The following EMILIN2 variants were observed in gnomAD, a reference collection of about 807,000 sequenced individuals.
EMILIN2 encodes the protein elastin microfibril interfacer 2, also known as EMILIN-2.
EMILIN2 carries 71 observed loss-of-function variants against 87.1 expected under a neutral mutation model. The ratio of observed to expected loss-of-function variants is 0.82; its 90% CI spans 0.67 to 0.99. EMILIN2 has a LOEUF of 0.99. Ranked by LOEUF, EMILIN2 falls within the 50% of genes least tolerant of loss-of-function variation. The probability of loss-of-function intolerance (pLI) is 0.00; values close to 1 mark genes in which losing one functional copy is unlikely to be tolerated. For missense variants in EMILIN2, 1,407 were observed against 1,371.8 expected (o/e 1.03, Z -0.40); for synonymous variants, 581 against 563.4 (o/e 1.03, Z -0.44).
At chr18:2,895,306 G>C (rs1029240974) in intron 4 of EMILIN2, among the ~76,000 whole-genome samples, 1 of 152,088 alleles carries the variant, frequency 6.6e-6, no homozygotes, top group Non-Finnish European at 1.5e-5. Context: ...ATGGGGTGAG[G>C]AATAAGGTGA....
At chr18:2,897,378 C>T (rs922488058) in intron 4 of EMILIN2, among the ~76,000 whole-genome samples, 3 of 152,186 alleles carry the variant, frequency 2.0e-5, no homozygotes, top group Non-Finnish European at 4.4e-5. Context: ...CATGACTGAA[C>T]TTTTCTCCCT....
At chr18:2,895,127 T>G (rs776215588) in intron 4 of EMILIN2, among the ~76,000 whole-genome samples, 8 of 152,042 alleles carry the variant, frequency 5.3e-5, no homozygotes, top group Non-Finnish European at 1.0e-4. Flanking sequence ...GATAAAAGTC[T>G]GATGGGGAAA....
rs1160046345 is a variant in EMILIN2, at chr18:2,847,879, C to G, written c.205C>G (p.Gln69Glu). The change falls in exon 2 of 8, where the codon CAG becomes GAG. Residue 69 changes from glutamine to glutamate, a missense_variant. Transcript: ENST00000254528. The surrounding 1 kb of genome is among the most constrained non-coding windows in gnomAD (Gnocchi z 4.5). ...SVLEGSESFI[Q>E]AQYNCAWNQM... is the part of the protein sequence containing the mutation. Reference sequence around the variant, plus strand: ...GCTGGAGGGAAGTGAGAGTTTTATTCAGGCTCAGTACAACTGTGCCTGGAA... The same window carrying G: ...GCTGGAGGGAAGTGAGAGTTTTATTGAGGCTCAGTACAACTGTGCCTGGAA... 1 of 1,613,422 alleles carries G rather than the reference C, an allele frequency of 6.2e-7. No homozygotes were observed. Among genetic ancestry groups the G allele is most frequent in the African/African-American group, 1.3e-5 (1 of 74,910 alleles).
rs144174650 is a variant in EMILIN2 at position 2,891,850 on chromosome 18, G to C, written c.1723G>C (p.Ala575Pro). ...TGCCTTGCCAAACAGGGAAGACCGCGCAGTACGCGACAGCCTGCACCTTTT... is the reference window on the plus strand; with the variant it reads ...TGCCTTGCCAAACAGGGAAGACCGCCCAGTACGCGACAGCCTGCACCTTTT... ...EGALPNREDR[A>P]VRDSLHLLKS... The change falls in exon 4 of 8, where the codon GCA becomes CCA. Residue 575 changes from alanine (A) to proline (P), a missense_variant. Coordinates refer to ENST00000254528, the MANE Select transcript of EMILIN2 (RefSeq NM_032048.3). The surrounding 1 kb of genome is among the most constrained non-coding windows in gnomAD (Gnocchi z 4.6). 4 of 1,614,256 alleles carry C rather than the reference G, an allele frequency of 2.5e-6. No individual in the cohort carries two copies. Among genetic ancestry groups the C allele is most frequent in the East Asian group, 2.2e-5 (1 of 44,892 alleles).
chr18:2,889,692 C>CTTTTTTTTTTTTTTTTTTTTTTTTTTTTT (rs34248672), intron 3 of EMILIN2, among the ~76,000 whole-genome samples: 3 of 96,666 alleles, frequency 3.1e-5, no homozygotes, highest in African/African-American at 4.1e-5. Context: ...TTTTTCTTTT[C>CTTTTTTTTTTTTTTTTTTTTTTTTTTTTT]TTTTTTTTTT....
chr18:2,860,083 A>AT (rs944694299), intron 2 of EMILIN2, among the ~76,000 whole-genome samples: 1 of 151,712 alleles, frequency 6.6e-6, no homozygotes, highest in African/African-American at 2.4e-5. Context: ...GAATTTTAGG[A>AT]TTTTTTTCTA....
At chr18:2,908,829 A>G (rs2076927144) in intron 5 of EMILIN2, 114 bp from the exon 6 acceptor site, 15 of 1,232,022 alleles carry the variant, frequency 1.2e-5, no homozygotes, top group Admixed American at 1.7e-5. Flanking sequence ...GTCTGTTTCT[A>G]TAGTAGTGAA....
chr18:2,865,399 A>G (rs2076681501), intron 2 of EMILIN2, among the ~76,000 whole-genome samples: 1 of 152,096 alleles, frequency 6.6e-6, no homozygotes, highest in Non-Finnish European at 1.5e-5. Context: ...TTTGGTGTGG[A>G]TGTCCTTTCT....
At chr18:2,889,124 CTTTCT>C in intron 3 of EMILIN2, among the ~76,000 whole-genome samples, 1 of 115,752 alleles carries the variant, frequency 8.6e-6, no homozygotes, top group African/African-American at 3.4e-5. Context: ...CTTTTCATTT[CTTTCT>C]TTTCTTTTTT....
chr18:2,884,846 C>A, intron 2 of EMILIN2, 118 bp from the exon 3 acceptor site: 2 of 1,121,316 alleles, frequency 1.8e-6, no homozygotes, highest in South Asian at 1.8e-5. Context: ...CCCCTCTGGG[C>A]CAGCCTGGAG....
In EMILIN2 at chr18:2,880,749, G is replaced by A. The variant is rs2144017112; in HGVS notation, c.258-4215G>A. The stretch of plus-strand genomic sequence containing the variant: ...CTCACAGCCCGGGGCCCCTGGGGAT[G>A]CTTGGGCCGCCTGTCTCTGTTTCAT... On this transcript the variant is annotated intron_variant, in intron 2 of 7. Transcript: ENST00000254528. This position sits in a 1 kb window ranked among gnomAD's most constrained non-coding sequence, Gnocchi z 4.1. 6.6e-6 allele frequency among the ~76,000 whole-genome samples: 1 copy of A among 152,298 alleles called. No homozygotes were observed. The highest frequency in any genetic ancestry group is 2.1e-4 in the South Asian group (1 of 4,832).
Position 2,913,857 on chromosome 18 carries a change from C to T in EMILIN2, c.*453C>T, listed in dbSNP as rs192937633. 6 of 161,342 alleles carry T rather than the reference C, an allele frequency of 3.7e-5. No individual in the cohort carries two copies. Among genetic ancestry groups the T allele is most frequent in the South Asian group, 3.6e-4 (2 of 5,618 alleles). The allele number at this position is 161,342 out of a possible 1,614,324, so 10.0% of individuals were successfully genotyped here. On this transcript the variant is annotated 3_prime_UTR_variant, in exon 8 of 8. Coordinates refer to ENST00000254528, the MANE Select transcript of EMILIN2 (RefSeq NM_032048.3). ...TAAACACTGAAGTGCCGAAGTGGCC[C>T]GTGCCGCCGCACAGAGACCCCGACT... is the stretch of plus-strand genomic sequence containing the variant.
chr18:2,860,156 G>A (rs1343140661), intron 2 of EMILIN2, among the ~76,000 whole-genome samples: 1 of 152,136 alleles, frequency 6.6e-6, no homozygotes, highest in Non-Finnish European at 1.5e-5. Context: ...GATTGCTCTT[G>A]ACAGTATGGT....
intron 2 of EMILIN2, among the ~76,000 whole-genome samples, chr18:2,869,160 G>A (rs1273348873): frequency 6.6e-6 from 1 of 151,950 alleles, no homozygotes; most frequent in African/African-American, 2.4e-5. Flanking sequence ...TAATGATGCT[G>A]ATTTTAGTTT....
At chr18:2,861,113 A>G (rs2076658976) in intron 2 of EMILIN2, among the ~76,000 whole-genome samples, 1 of 151,666 alleles carries the variant, frequency 6.6e-6, no homozygotes, top group Non-Finnish European at 1.5e-5. Context: ...ATTTGAGTTC[A>G]TTGTAGATTC....
chr18:2,864,977 T>A (rs1480379589), intron 2 of EMILIN2, among the ~76,000 whole-genome samples: 1 of 152,250 alleles, frequency 6.6e-6, no homozygotes, highest in East Asian at 1.9e-4. Context: ...TGATCTTCCA[T>A]CACTGATACC....
At chr18:2,883,372 T>A (rs2076787184) in intron 2 of EMILIN2, among the ~76,000 whole-genome samples, 1 of 152,176 alleles carries the variant, frequency 6.6e-6, no homozygotes. Context: ...CATGGGCAGC[T>A]CTCAGCAACC....
intron 5 of EMILIN2, among the ~76,000 whole-genome samples, chr18:2,907,751 C>A (rs2076921624): frequency 6.6e-6 from 1 of 152,242 alleles, no homozygotes; most frequent in South Asian, 2.1e-4. Flanking sequence ...TCCTGCAGCC[C>A]TCCCAATGGC....
intron 3 of EMILIN2, among the ~76,000 whole-genome samples, chr18:2,889,693 T>TTTTTTC (rs1491583945): frequency 7.8e-4 from 16 of 20,538 alleles, no homozygotes; most frequent in Non-Finnish European, 6.7e-4. Flanking sequence ...TTTTCTTTTC[T>TTTTTTC]TTTTTTTTTT....
Sources: allele counts gnomAD v4.1 joint callset (sites outside exome capture counted in the v4.1 genomes callset), GRCh38; gene constraint gnomAD v4.1.1; non-coding constraint Gnocchi (gnomAD v3.1); transcripts MANE v1.5; gene names NCBI Gene and HGNC (gene_info 2026-07-23, HGNC 2026-07-21).